DDAH1: variants seen among roughly 807,000 people sequenced by gnomAD.
DDAH1 encodes the protein dimethylarginine dimethylaminohydrolase 1.
In DDAH1, 19 loss-of-function variants were observed where a neutral mutation model predicts 28.8. The observed-to-expected ratio is 0.66, with a 90% confidence interval of 0.46 to 0.97. The LOEUF is 0.97. Ranked by LOEUF, DDAH1 falls within the 50% of genes least tolerant of loss-of-function variation. DDAH1 has a pLI of 0.00. For missense variants in DDAH1, 326 were observed against 375.9 expected, an observed-to-expected ratio of 0.87 and a Z score of 1.10; for synonymous variants, 153 against 154.4, an observed-to-expected ratio of 0.99 and a Z score of 0.07.
chr1:85,432,232 C>T (rs1653716869), intron 1 of DDAH1, among the ~76,000 whole-genome samples: 1 of 152,152 alleles, frequency 6.6e-6, no homozygotes. Context: ...AACATCACCA[C>T]ACCGGAACTC....
chr1:85,381,725 T>C (rs1244282344), intron 1 of DDAH1, among the ~76,000 whole-genome samples: 6 of 152,214 alleles, frequency 3.9e-5, no homozygotes, highest in African/African-American at 1.4e-4. Flanking sequence ...TACTGTTTTT[T>C]TTTTTACAAA....
intron 1 of DDAH1, among the ~76,000 whole-genome samples, chr1:85,536,231 T>C (rs1413580122): frequency 1.3e-5 from 2 of 151,846 alleles, no homozygotes; most frequent in Non-Finnish European, 2.9e-5. Context: ...AGTGAATCTC[T>C]GTCTCAAATA....
chr1:85,446,852 C>G (rs1009939598), intron 1 of DDAH1, among the ~76,000 whole-genome samples: 1 of 152,110 alleles, frequency 6.6e-6, no homozygotes, highest in East Asian at 1.9e-4. Flanking sequence ...CTATTTGCCC[C>G]TTTTCTTCCT....
At chr1:85,404,264 G>A in intron 1 of DDAH1, 1 of 924,648 alleles carries the variant, frequency 1.1e-6, no homozygotes, top group Non-Finnish European at 1.6e-6. Flanking sequence ...CTTCTTAGAA[G>A]ATGCCACCAG....
rs113471678 is a variant in DDAH1, at chr1:85,412,042, T to C, written c.303+52701A>G. ...TACTTGTGGAATTTAAGAGAGGCAT[T>C]GGACTGATTTTTAAAATTCCTACAT... is the stretch of plus-strand genomic sequence containing the variant. On this transcript the variant is annotated intron_variant, in intron 1 of 5. Coordinates refer to ENST00000284031, the MANE Select transcript of DDAH1 (RefSeq NM_012137.4). Among the ~76,000 whole-genome samples, 1,069 of 152,356 alleles carry C rather than the reference T, an allele frequency of 7.0e-3. 11 individuals are homozygous for C. The highest frequency in any genetic ancestry group is 0.025 in the African/African-American group (1,019 of 41,570).
upstream of DDAH1, among the ~76,000 whole-genome samples, chr1:85,468,785 T>C (rs567158053): frequency 9.8e-5 from 15 of 152,290 alleles, no homozygotes; most frequent in African/African-American, 3.6e-4. Context: ...CCCAAAGTGC[T>C]GGGATTACAG....
At chr1:85,511,999 C>G (rs1040511969) in intron 1 of DDAH1, among the ~76,000 whole-genome samples, 6 of 152,058 alleles carry the variant, frequency 3.9e-5, no homozygotes, top group African/African-American at 1.4e-4. Flanking sequence ...ACTCATTTTA[C>G]GAGGCCAGCA....
chr1:85,389,581 G>C (rs1316321451), intron 1 of DDAH1, among the ~76,000 whole-genome samples: 7 of 152,244 alleles, frequency 4.6e-5, no homozygotes, highest in African/African-American at 1.7e-4. Context: ...GGCTTTATAA[G>C]AGATTGTGAG....
At chr1:85,382,449 G>T (rs1430217754) in intron 1 of DDAH1, among the ~76,000 whole-genome samples, 1 of 152,198 alleles carries the variant, frequency 6.6e-6, no homozygotes, top group African/African-American at 2.4e-5. Context: ...TATGAGGAAA[G>T]AAGCCATCTT....
At chr1:85,557,347 A>G (rs1659001721) in intron 1 of DDAH1, among the ~76,000 whole-genome samples, 2 of 152,224 alleles carry the variant, frequency 1.3e-5, no homozygotes, top group Admixed American at 6.5e-5. Flanking sequence ...GACATGCACT[A>G]TTCTGTGAGT....
rs537465161 is a variant in DDAH1, at chr1:85,351,413, G to A, written c.477+93C>T. ...AATTATTGTACAAAGCCAGTGAAGC[G>A]TAAACACCATTACTCATGACATTGA... On this transcript the variant is annotated intron_variant, in intron 3 of 5. Transcript: ENST00000284031. The A allele has an allele frequency of 3.9e-4, 389 of 1,002,162 alleles. 1 individual carries two copies. The highest frequency in any genetic ancestry group is 8.2e-4 in the African/African-American group (51 of 62,446). The allele number at this position is 1,002,162 out of a possible 1,614,324, so 62.1% of individuals were successfully genotyped here. A position where few individuals can be genotyped will look rare whatever the true frequency, so the allele number is the denominator to read the frequency against.
At chr1:85,462,089 T>C (rs1319625594) in intron 1 of DDAH1, among the ~76,000 whole-genome samples, 5 of 152,190 alleles carry the variant, frequency 3.3e-5, no homozygotes, top group African/African-American at 4.8e-5. Flanking sequence ...GTATGGTGTA[T>C]GGCAAGTGGC....
At position 85,464,789 on chromosome 1, in the gene DDAH1, TC is replaced by T; in HGVS notation, c.256del (p.Glu86ArgfsTer19). 1 of 1,580,566 alleles carries T rather than the reference TC, an allele frequency of 6.3e-7. No homozygotes were observed. On this transcript the variant is annotated frameshift_variant, in exon 1 of 6. Transcript: ENST00000284031. LOFTEE classifies it high-confidence loss of function. This position sits in a 1 kb window ranked among gnomAD's most constrained non-coding sequence, Gnocchi z 4.4. ...CCCGGGTCGGGTGATGAGGGCCGTC[TC>T]CTCGCACACCACGGCCACGTCCTCC... ...FVEDVAVVCE[E>X]TALITRPGAP...
At chr1:85,571,771 ATGAAC>A (rs983421929) in intron 1 of DDAH1, among the ~76,000 whole-genome samples, 1 of 148,530 alleles carries the variant, frequency 6.7e-6, no homozygotes, top group African/African-American at 2.5e-5. Flanking sequence ...TCCTTTTAGA[ATGAAC>A]TGTTTATAAG....
intron 1 of DDAH1, among the ~76,000 whole-genome samples, chr1:85,430,635 C>CTAAG (rs1005737835): frequency 6.6e-6 from 1 of 151,998 alleles, no homozygotes; most frequent in African/African-American, 2.4e-5. Context: ...AGTTGGATTC[C>CTAAG]TAAGTATTTT....
intron 1 of DDAH1, among the ~76,000 whole-genome samples, chr1:85,379,402 A>G (rs916012510): frequency 6.6e-6 from 1 of 152,212 alleles, no homozygotes; most frequent in African/African-American, 2.4e-5. Context: ...AAGCTTCATA[A>G]CAAGTCCATG....
At chr1:85,421,464 T>C (rs1036349986) in intron 1 of DDAH1, among the ~76,000 whole-genome samples, 3 of 149,910 alleles carry the variant, frequency 2.0e-5, no homozygotes, top group African/African-American at 7.4e-5. Flanking sequence ...TCCTGAATGA[T>C]TTTTTTTTTA....
chr1:85,573,658 A>C (rs1659520064), intron 1 of DDAH1, among the ~76,000 whole-genome samples: 1 of 152,230 alleles, frequency 6.6e-6, no homozygotes, highest in Non-Finnish European at 1.5e-5. Flanking sequence ...TCATATTGCC[A>C]AGGCAATGCC....
intron 1 of DDAH1, among the ~76,000 whole-genome samples, chr1:85,562,953 T>C (rs958648623): frequency 1.3e-5 from 2 of 152,130 alleles, no homozygotes; most frequent in African/African-American, 4.8e-5. Context: ...CTGAAACAAA[T>C]AATAAAACTG....
Sources: gnomAD v4.1 joint callset for allele counts (sites outside exome capture counted in the v4.1 genomes callset) on GRCh38, gnomAD v4.1.1 for gene constraint, Gnocchi (gnomAD v3.1) non-coding constraint, MANE v1.5 for transcripts, NCBI Gene and HGNC (gene_info 2026-07-23, HGNC 2026-07-21) for gene names.